KIF26B: variants seen among roughly 807,000 people sequenced by gnomAD.
KIF26B encodes the protein kinesin-like protein KIF26B.
In KIF26B, 63 loss-of-function variants were observed where a neutral mutation model predicts 151.2. The ratio of observed to expected loss-of-function variants is 0.42; its 90% confidence interval spans 0.34 to 0.51. The LOEUF (loss-of-function observed/expected upper bound fraction) is 0.51. Among genes scored for constraint, KIF26B ranks in the 20% least tolerant of loss-of-function variants. The pLI, the probability that KIF26B is intolerant of heterozygous loss-of-function variation, is 0.07. For synonymous variants in KIF26B, 1,357 were observed against 1,262.1 expected (o/e 1.08, Z -1.59); for missense variants, 2,813 against 2,913.6 (o/e 0.97, Z 0.79).
chr1:245,368,654 G>A (rs1203128474), intron 3 of KIF26B, among the ~76,000 whole-genome samples: 1 of 152,112 alleles, frequency 6.6e-6, no homozygotes, highest in Non-Finnish European at 1.5e-5. Flanking sequence ...TGTGATGTGA[G>A]GACTCAGACT....
At chr1:245,419,475 C>T (rs1658416303) in intron 3 of KIF26B, 104 bp from the exon 4 acceptor site, 2 of 1,057,700 alleles carry the variant, frequency 1.9e-6, no homozygotes, top group East Asian at 5.4e-5. Flanking sequence ...GGGATAGAAA[C>T]CTGTTCCCTC....
chr1:245,483,266 G>A (rs1296617562), intron 4 of KIF26B, among the ~76,000 whole-genome samples: 1 of 151,854 alleles, frequency 6.6e-6, no homozygotes, highest in African/African-American at 2.4e-5. Context: ...TTGTCTCAAG[G>A]CATGTGCTGG....
Position 245,427,674 on chromosome 1 carries a change from A to ATT in KIF26B, c.1166+7937_1166+7938dup, listed in dbSNP as rs113533587. Among the ~76,000 whole-genome samples the ATT allele has an allele frequency of 8.6e-4, 130 of 151,308 alleles. 1 individual carries two copies. The highest frequency in any genetic ancestry group is 3.1e-3 in the African/African-American group (129 of 41,246). ...TCATATTGTAGAACTTCACTGTATT[A>ATT]TTTTTTTTTCCTGTTTCTTGTTTTG... On this transcript the variant is annotated intron_variant, in intron 4 of 14. Coordinates refer to ENST00000407071, the MANE Select transcript of KIF26B (RefSeq NM_018012.4).
intron 2 of KIF26B, among the ~76,000 whole-genome samples, chr1:245,325,941 C>T (rs1324906238): frequency 1.3e-5 from 2 of 152,036 alleles, no homozygotes; most frequent in Admixed American, 6.6e-5. Context: ...GCTGCTCCCT[C>T]GCTTATTGCT....
intron 2 of KIF26B, among the ~76,000 whole-genome samples, chr1:245,230,986 C>CAAA (rs550436203): frequency 6.7e-6 from 1 of 148,336 alleles, no homozygotes; most frequent in African/African-American, 2.5e-5. Flanking sequence ...AGGAAAAAGA[C>CAAA]AAAAAAAAAT....
intron 10 of KIF26B, among the ~76,000 whole-genome samples, chr1:245,647,753 A>AC (rs1293030443): frequency 6.6e-5 from 10 of 151,800 alleles, no homozygotes; most frequent in East Asian, 1.9e-4. Flanking sequence ...TTGATGCCAG[A>AC]CCCCCCCACC....
chr1:245,251,175 C>A (rs1192733706), intron 2 of KIF26B, among the ~76,000 whole-genome samples: 1 of 152,112 alleles, frequency 6.6e-6, no homozygotes, highest in Non-Finnish European at 1.5e-5. Flanking sequence ...TTGCCTGTAC[C>A]CAAATTCCAG....
intron 4 of KIF26B, among the ~76,000 whole-genome samples, chr1:245,536,244 G>A (rs1661486124): frequency 6.6e-6 from 1 of 152,182 alleles, no homozygotes; most frequent in Non-Finnish European, 1.5e-5. Context: ...ATCCTTGCTT[G>A]AAAGATACTT....
At chr1:245,694,912 T>C (rs548991551) in intron 12 of KIF26B, among the ~76,000 whole-genome samples, 1 of 152,072 alleles carries the variant, frequency 6.6e-6, no homozygotes, top group East Asian at 1.9e-4. Context: ...CAGGGAGGGG[T>C]TGAAAAGCAG....
At chr1:245,366,737 G>A in intron 2 of KIF26B, 97 bp from the exon 3 acceptor site, 1 of 1,165,766 alleles carries the variant, frequency 8.6e-7, no homozygotes. Flanking sequence ...AACTCTTTGA[G>A]TACGTCTCGG....
intron 4 of KIF26B, among the ~76,000 whole-genome samples, chr1:245,437,402 T>C (rs1484981801): frequency 6.6e-6 from 1 of 152,218 alleles, no homozygotes; most frequent in African/African-American, 2.4e-5. Flanking sequence ...GAGCATTCAG[T>C]TTTAGCTTTC....
At chr1:245,672,131 G>A (rs995760791) in intron 10 of KIF26B, among the ~76,000 whole-genome samples, 2 of 152,120 alleles carry the variant, frequency 1.3e-5, no homozygotes, top group African/African-American at 4.8e-5. Flanking sequence ...GGGAATAACA[G>A]TCTTGGTGGC....
chr1:245,503,525 A>G (rs924973479), intron 4 of KIF26B, among the ~76,000 whole-genome samples: 1 of 152,150 alleles, frequency 6.6e-6, no homozygotes, highest in Admixed American at 6.5e-5. Flanking sequence ...TGTTCTGACT[A>G]TTTGCAACAA....
chr1:245,246,866 A>AACACACAC (rs10623091), intron 2 of KIF26B, among the ~76,000 whole-genome samples: 9,473 of 143,788 alleles, frequency 0.066, 400 homozygotes, highest in Middle Eastern at 0.11. Flanking sequence ...GTAAGGGCAG[A>AACACACAC]ACACACACAC....
At chr1:245,283,509 T>A (rs1487924607) in intron 2 of KIF26B, among the ~76,000 whole-genome samples, 1 of 152,126 alleles carries the variant, frequency 6.6e-6, no homozygotes, top group African/African-American at 2.4e-5. Flanking sequence ...TCTGGGGAGT[T>A]ATTGGTCTGT....
chr1:245,346,536 C>T (rs1249930343), intron 2 of KIF26B, among the ~76,000 whole-genome samples: 2 of 152,136 alleles, frequency 1.3e-5, no homozygotes, highest in African/African-American at 2.4e-5. Context: ...ATCAGTACAC[C>T]AACCCTACTT....
chr1:245,243,921 A>G (rs1158134804), intron 2 of KIF26B, among the ~76,000 whole-genome samples: 3 of 152,034 alleles, frequency 2.0e-5, no homozygotes, highest in Admixed American at 6.6e-5. Context: ...CCCTTTCTAT[A>G]GCCTTCTATT....
At chr1:245,545,041 G>A (rs1051855392) in intron 5 of KIF26B, among the ~76,000 whole-genome samples, 8 of 151,954 alleles carry the variant, frequency 5.3e-5, no homozygotes, top group African/African-American at 1.5e-4. Flanking sequence ...ACGCACATGC[G>A]CGCACACACA....
intron 14 of KIF26B, among the ~76,000 whole-genome samples, chr1:245,700,936 T>TTCTC (rs2044762426): frequency 6.6e-6 from 1 of 152,208 alleles, no homozygotes; most frequent in East Asian, 1.9e-4. Context: ...AGTCAGTCAG[T>TTCTC]TCTCTCTCCT....
Sources: allele counts gnomAD v4.1 joint callset (sites outside exome capture counted in the v4.1 genomes callset), GRCh38; gene constraint gnomAD v4.1.1; transcripts MANE v1.5; gene names NCBI Gene and HGNC (gene_info 2026-07-23, HGNC 2026-07-21).